GATA3: variants seen among roughly 807,000 people sequenced by gnomAD.
GATA3 encodes the protein GATA binding protein 3, also known as trans-acting T-cell-specific transcription factor GATA-3.
GATA3 carries 6 observed loss-of-function variants against 36.0 expected under a neutral mutation model. The ratio of observed to expected loss-of-function variants is 0.17; its 90% CI spans 0.09 to 0.33. GATA3 has a LOEUF of 0.33. GATA3 is among the 10% of genes least tolerant of loss of function. The pLI is 1.00. For missense variants in GATA3, 514 were observed against 610.1 expected, an observed-to-expected ratio of 0.84 and a Z score of 1.66; for synonymous variants, 326 against 273.0, an observed-to-expected ratio of 1.19 and a Z score of -1.92.
In GATA3 at chr10:8,058,468, G is replaced by A. The variant is rs776699046; in HGVS notation, c.405G>A (p.Pro135=). The A allele has an allele frequency of 3.1e-6, 5 of 1,612,532 alleles. No homozygotes were observed. Among genetic ancestry groups the A allele is most frequent in the South Asian group, 1.1e-5 (1 of 91,042 alleles). ...GSPGPLSVYP[P]ASSSSLSGGH... Reference sequence around the variant, plus strand: ...CGGGGCCCCTCTCCGTCTACCCCCCGGCCTCGTCCTCCTCCTTGTCGGGGG... The same window carrying A: ...CGGGGCCCCTCTCCGTCTACCCCCCAGCCTCGTCCTCCTCCTTGTCGGGGG... Residue 135 remains proline, a synonymous_variant, in exon 3 of 6, where the codon CCG becomes CCA. Coordinates refer to ENST00000379328, the MANE Select transcript of GATA3 (RefSeq NM_001002295.2).
rs536598724 is a variant in GATA3, at chr10:8,073,680, G to A, written c.1051-59G>A. 54 of 1,517,532 alleles carry A rather than the reference G, an allele frequency of 3.6e-5. 1 individual carries two copies. The South Asian group carries it at 4.5e-4, about 13-fold the overall frequency. The allele number at this position is 1,517,532 out of a possible 1,614,324, so 94.0% of individuals were successfully genotyped here. A position where few individuals can be genotyped will look rare whatever the true frequency, so the allele number is the denominator to read the frequency against. On this transcript the variant is annotated intron_variant, in intron 5 of 5. Coordinates refer to ENST00000379328, the MANE Select transcript of GATA3 (RefSeq NM_001002295.2). ...AACCCTTCTTGGTGTGCGAGAGCCT[G>A]TGCATTTCAGAGGCAGCAAAAAAGT...
At chr10:8,060,836 G>T (rs750563524) in intron 3 of GATA3, among the ~76,000 whole-genome samples, 24 of 152,068 alleles carry the variant, frequency 1.6e-4, no homozygotes, top group African/African-American at 3.9e-4. Flanking sequence ...ACCGATTTTG[G>T]TTTTTTTGGC....
chr10:8,074,824 T>C lies in GATA3; in HGVS notation c.*801T>C, dbSNP rs1461045143. 2 of 233,692 alleles carry C rather than the reference T, an allele frequency of 8.6e-6. No individual in the cohort carries two copies. Among genetic ancestry groups the C allele is most frequent in the Non-Finnish European group, 8.5e-6 (1 of 118,088 alleles). 14.5% of individuals were successfully genotyped at this position (233,692 alleles called of 1,614,324 possible). On this transcript the variant is annotated 3_prime_UTR_variant, in exon 6 of 6. Transcript: ENST00000379328. The stretch of plus-strand genomic sequence containing the variant: ...GTCTTAAGAACTGCTTTCTTTCGTT[T>C]GTTTGTTTCAATATTTTCCTTCTCT...
upstream of GATA3, among the ~76,000 whole-genome samples, chr10:8,051,823 C>G (rs1269628638): frequency 1.3e-5 from 2 of 151,946 alleles, no homozygotes; most frequent in South Asian, 2.1e-4. Flanking sequence ...CGGGTCAGGC[C>G]GGCGCCTGGC....
chr10:8,061,450 G>A (rs570573870), intron 3 of GATA3, among the ~76,000 whole-genome samples: 5 of 152,214 alleles, frequency 3.3e-5, no homozygotes, highest in African/African-American at 7.2e-5. Flanking sequence ...AAGAGGCCTC[G>A]CCGCTCTGTG....
chr10:8,059,242 C>T (rs1019069779), intron 3 of GATA3, among the ~76,000 whole-genome samples: 3 of 152,166 alleles, frequency 2.0e-5, no homozygotes, highest in African/African-American at 7.2e-5. Flanking sequence ...CAAGCCTAAA[C>T]AAACACAGGT....
At chr10:8,062,333 CAA>C (rs57448217) in intron 3 of GATA3, among the ~76,000 whole-genome samples, 8 of 145,646 alleles carry the variant, frequency 5.5e-5, no homozygotes, top group South Asian at 2.2e-4. Flanking sequence ...GAATGTGGAG[CAA>C]AAAAAAAAAC....
chr10:8,058,354 G>T lies in GATA3; in HGVS notation c.291G>T (p.Leu97=). Residue 97 remains leucine (L), a synonymous_variant, in exon 3 of 6, where the codon CTG becomes CTT. Transcript: ENST00000379328. ...PPLLHGSLPW[L]DGGKALGSHH... ...TGCTTCATGGATCCCTACCCTGGCT[G>T]GACGGCGGCAAAGCCCTGGGCAGCC... The T allele has an allele frequency of 6.2e-7, 1 of 1,613,236 alleles. No homozygotes were observed.
chr10:8,066,798 G>C (rs1257770775), intron 4 of GATA3, among the ~76,000 whole-genome samples: 1 of 152,170 alleles, frequency 6.6e-6, no homozygotes, highest in Non-Finnish European at 1.5e-5. Flanking sequence ...GACCCAAACA[G>C]TGTGGCTTTG....
Position 8,055,355 on chromosome 10 carries a change from A to C in GATA3, c.-301A>C. 2.0e-6 allele frequency: 1 copy of C among 497,620 alleles called. No individual in the cohort carries two copies. Among genetic ancestry groups the C allele is most frequent in the Non-Finnish European group, 3.6e-6 (1 of 275,900 alleles). The allele number at this position is 497,620 out of a possible 1,614,324, so 30.8% of individuals were successfully genotyped here. A position where few individuals can be genotyped will look rare whatever the true frequency, so the allele number is the denominator to read the frequency against. The stretch of plus-strand genomic sequence containing the variant: ...GGTGCAGAGGAGCCTGGCTCGCAGA[A>C]TTGCAGAGTCGTCGCCCCTTTTTAC... On this transcript the variant is annotated 5_prime_UTR_variant, in exon 2 of 6. Transcript: ENST00000379328. The surrounding 1 kb of genome is among the most constrained non-coding windows in gnomAD (Gnocchi z 5.4).
upstream of GATA3, among the ~76,000 whole-genome samples, chr10:8,048,818 C>A (rs1042861840): frequency 2.6e-5 from 4 of 152,236 alleles, no homozygotes; most frequent in African/African-American, 4.8e-5. Context: ...CTTCCTGTCT[C>A]CCCCTTTCCG....
intron 4 of GATA3, among the ~76,000 whole-genome samples, chr10:8,066,110 G>A (rs1301507195): frequency 6.6e-6 from 1 of 151,238 alleles, no homozygotes; most frequent in Non-Finnish European, 1.5e-5. Context: ...GAAGGAAAAA[G>A]AGGGATTAAA....
chr10:8,056,348 C>G (rs916745775), intron 2 of GATA3, among the ~76,000 whole-genome samples: 2 of 152,046 alleles, frequency 1.3e-5, no homozygotes, highest in Non-Finnish European at 2.9e-5. Flanking sequence ...CCCGCTAGCT[C>G]TTTCTAGGCG....
At position 8,058,822 on chromosome 10, in the gene GATA3, C is replaced by T; in HGVS notation, c.759C>T (p.Pro253=). Residue 253 remains proline, a synonymous_variant, in exon 3 of 6, where the codon CCC becomes CCT. Transcript: ENST00000379328. ...CCGGCTTCGGATGCAAGTCCAGGCC[C>T]AAGGCCCGGTCCAGCACAGGTAGGA... ...SPTGFGCKSR[P]KARSSTEGRE... is the part of the protein sequence containing the mutation. 1 of 1,604,948 alleles carries T rather than the reference C, an allele frequency of 6.2e-7. No homozygotes were observed.
At chr10:8,054,610 C>A (rs1832585900), upstream of GATA3, 1 of 152,152 alleles carries the variant, frequency 6.6e-6, no homozygotes, top group African/African-American at 2.4e-5. This position sits in a 1 kb window ranked among gnomAD's most constrained non-coding sequence, Gnocchi z 4.2. Flanking sequence ...GTCCCCTACT[C>A]GCCAGCGCCA....
intron 5 of GATA3, among the ~76,000 whole-genome samples, chr10:8,070,383 GT>G (rs538490026): frequency 8.8e-4 from 128 of 144,912 alleles, no homozygotes; most frequent in Admixed American, 1.4e-3. Context: ...TTTTTTTTCA[GT>G]TTTTTTTTTT....
In GATA3 at chr10:8,055,392, G is replaced by A; in HGVS notation, c.-264G>A. The A allele has an allele frequency of 1.8e-6, 1 of 559,398 alleles. No homozygotes were observed. The highest frequency in any genetic ancestry group is 1.9e-5 in the African/African-American group (1 of 52,002). The allele number at this position is 559,398 out of a possible 1,614,324, so 34.7% of individuals were successfully genotyped here. On this transcript the variant is annotated 5_prime_UTR_variant, in exon 2 of 6. Coordinates refer to ENST00000379328, the MANE Select transcript of GATA3 (RefSeq NM_001002295.2). The surrounding 1 kb of genome is among the most constrained non-coding windows in gnomAD (Gnocchi z 5.4). ...TCGCCCCTTTTTACAACCTGGTCCC[G>A]TTTTATTCTGCCGTACCCAGTTTTT...
At chr10:8,052,594 C>G (rs993470541), upstream of GATA3, 3 of 152,230 alleles carry the variant, frequency 2.0e-5, no homozygotes, top group African/African-American at 7.2e-5. Context: ...ATCCACCCCT[C>G]GATTGACGCG....
chr10:8,073,751 C>T lies in GATA3; in HGVS notation c.1063C>T (p.Leu355=), dbSNP rs2131520001. Residue 355 remains leucine, a synonymous_variant, in exon 6 of 6, where the codon CTG becomes TTG. Transcript: ENST00000379328. ...YYKLHNINRP[L]TMKKEGIQTR... ...GATCTTTGTTTAGATTAACAGACCC[C>T]TGACTATGAAGAAGGAAGGCATCCA... The T allele has an allele frequency of 6.2e-7, 1 of 1,613,588 alleles. No individual in the cohort carries two copies. Among genetic ancestry groups the T allele is most frequent in the Non-Finnish European group, 8.5e-7 (1 of 1,179,946 alleles).
Sources: gnomAD v4.1 joint callset for allele counts (sites outside exome capture counted in the v4.1 genomes callset) on GRCh38, gnomAD v4.1.1 for gene constraint, Gnocchi (gnomAD v3.1) non-coding constraint, MANE v1.5 for transcripts, NCBI Gene and HGNC (gene_info 2026-07-23, HGNC 2026-07-21) for gene names.